Variants in POLE2 observed in about 807,000 individuals in gnomAD.
POLE2 encodes DNA polymerase epsilon 2, accessory subunit.
Under a neutral mutation model 79.4 loss-of-function variants are expected in POLE2, and 56 were observed. The ratio of observed to expected loss-of-function variants is 0.71; its 90% CI spans 0.57 to 0.88. The LOEUF (loss-of-function observed/expected upper bound fraction) is 0.88. POLE2 is among the 40% of genes least tolerant of loss of function. The pLI, the probability that POLE2 is intolerant of heterozygous loss-of-function variation, is 0.00. For synonymous variants in POLE2, 212 were observed against 214.0 expected (o/e 0.99, Z 0.08); for missense variants, 598 against 638.9 (o/e 0.94, Z 0.69).
chr14:49,678,361 G>A (rs1442437772), intron 3 of POLE2, among the ~76,000 whole-genome samples: 1 of 152,022 alleles, frequency 6.6e-6, no homozygotes, highest in African/African-American at 2.4e-5. Context: ...TTACTGAGTG[G>A]GGGTGGAATA....
At chr14:49,660,942 G>T (rs1272883680) in intron 10 of POLE2, among the ~76,000 whole-genome samples, 5 of 152,072 alleles carry the variant, frequency 3.3e-5, no homozygotes, top group African/African-American at 1.2e-4. Flanking sequence ...TTTTTTGGGG[G>T]GTAGGGGGAC....
chr14:49,647,217 C>CTGAT, intron 18 of POLE2, 76 bp downstream of exon 18: 1 of 782,044 alleles, frequency 1.3e-6, no homozygotes, highest in Non-Finnish European at 2.1e-6. Context: ...TCCCAACACA[C>CTGAT]TGATAGAACA....
chr14:49,659,690 G>C (rs539464289), intron 10 of POLE2, among the ~76,000 whole-genome samples: 1 of 152,206 alleles, frequency 6.6e-6, no homozygotes, highest in East Asian at 1.9e-4. Context: ...AAGCAATGCT[G>C]CCACTTCAGC....
At chr14:49,653,696 G>C (rs1884444159) in intron 15 of POLE2, among the ~76,000 whole-genome samples, 1 of 151,694 alleles carries the variant, frequency 6.6e-6, no homozygotes, top group African/African-American at 2.4e-5. Flanking sequence ...CAGGCTGCAG[G>C]CTGGAATGCA....
intron 5 of POLE2, among the ~76,000 whole-genome samples, chr14:49,672,994 T>C (rs1275468355): frequency 6.6e-6 from 1 of 152,230 alleles, no homozygotes. Flanking sequence ...TATCACCTTC[T>C]ACAACATTCT....
chr14:49,661,235 T>C (rs1259070588), intron 10 of POLE2, among the ~76,000 whole-genome samples: 6 of 152,002 alleles, frequency 3.9e-5, no homozygotes, highest in Admixed American at 3.3e-4. Context: ...TAAACTGATA[T>C]CTACTGCACA....
In POLE2 at chr14:49,654,085, G is replaced by A. The variant is rs1594567096; in HGVS notation, c.1134-18C>T. ...GTGGTGGCCTATAAAAACAATTTAT[G>A]TGATATAGTTTATCTTTTTAAGTTT... On this transcript the variant is annotated intron_variant, in intron 14 of 18. Transcript: ENST00000216367. 6.3e-7 allele frequency: 1 copy of A among 1,584,464 alleles called. No individual in the cohort carries two copies.
chr14:49,646,713 A>G (rs182825177), intron 18 of POLE2: 1 of 152,282 alleles, frequency 6.6e-6, no homozygotes, highest in East Asian at 1.9e-4. Flanking sequence ...ACAGGAAATA[A>G]TATTTAAAAT....
Position 49,651,952 on chromosome 14 carries a change from T to C in POLE2, c.1212-575A>G, listed in dbSNP as rs45472891. Reference sequence around the variant, plus strand: ...CCTTGAGGAACAGAAGGGAGGCTAGTGTGGCTGGAGTAAATGGGGAGGAGA... The same window carrying C: ...CCTTGAGGAACAGAAGGGAGGCTAGCGTGGCTGGAGTAAATGGGGAGGAGA... On this transcript the variant is annotated intron_variant, in intron 15 of 18. Coordinates refer to ENST00000216367, the MANE Select transcript of POLE2 (RefSeq NM_002692.4). 1.8e-3 allele frequency among the ~76,000 whole-genome samples: 280 copies of C among 151,980 alleles called. 1 individual carries two copies. The highest frequency in any genetic ancestry group is 3.2e-3 in the Non-Finnish European group (220 of 67,990).
intron 15 of POLE2, among the ~76,000 whole-genome samples, chr14:49,652,576 A>G (rs994485633): frequency 1.3e-5 from 2 of 152,178 alleles, no homozygotes; most frequent in Admixed American, 6.5e-5. Context: ...CAGCAGGGGC[A>G]TTAGATTCTC....
intron 1 of POLE2, among the ~76,000 whole-genome samples, chr14:49,685,721 C>A (rs1887080088): frequency 6.6e-6 from 1 of 151,954 alleles, no homozygotes; most frequent in Non-Finnish European, 1.5e-5. Context: ...CGGGTTCAAG[C>A]GATTCTCTTG....
intron 10 of POLE2, among the ~76,000 whole-genome samples, chr14:49,658,308 CCT>C (rs1358577992): frequency 1.3e-5 from 2 of 152,028 alleles, no homozygotes; most frequent in African/African-American, 2.4e-5. Flanking sequence ...GATCTCCTGA[CCT>C]CGTGATCCGC....
At chr14:49,669,621 T>C in intron 5 of POLE2, 23 bp from the exon 6 acceptor site, 1 of 1,221,936 alleles carries the variant, frequency 8.2e-7, no homozygotes, top group Non-Finnish European at 1.2e-6. Context: ...AAGATTCACA[T>C]GAATTCCTGA....
intron 9 of POLE2, among the ~76,000 whole-genome samples, chr14:49,664,100 A>G (rs1195746561): frequency 6.8e-6 from 1 of 146,548 alleles, no homozygotes. Context: ...TGTAATCCCA[A>G]CACTTTGGGA....
chr14:49,654,804 T>C lies in POLE2; in HGVS notation c.1053A>G (p.Glu351=), dbSNP rs149410998. The change falls in exon 13 of 19, where the codon GAA becomes GAG. Residue 351 remains glutamate (E), a synonymous_variant. Transcript: ENST00000216367. The part of the protein sequence containing the change: ...SLKTLADIIC[E]YPDIHQSSRF... ...ATTACCTTTGGTGAATATCTGGGTA[T>C]TCACATATTATATCTGCCAAAGTTT... is the stretch of plus-strand genomic sequence containing the variant. The C allele has an allele frequency of 1.4e-4, 202 of 1,488,452 alleles. No individual in the cohort carries two copies. In the African/African-American group the frequency reaches 2.2e-3, roughly 16 times the overall value. 92.2% of individuals were successfully genotyped at this position (1,488,452 alleles called of 1,614,324 possible).
At chr14:49,649,088 T>A (rs1883991709) in intron 17 of POLE2, among the ~76,000 whole-genome samples, 1 of 152,234 alleles carries the variant, frequency 6.6e-6, no homozygotes, top group South Asian at 2.1e-4. Flanking sequence ...TGTCATTGTT[T>A]ATGCAGTATT....
intron 18 of POLE2, among the ~76,000 whole-genome samples, chr14:49,644,434 C>T (rs1393760382): frequency 6.6e-6 from 1 of 150,528 alleles, no homozygotes; most frequent in African/African-American, 2.4e-5. Flanking sequence ...CTCTTGAACC[C>T]AGAAGGCGGA....
intron 10 of POLE2, among the ~76,000 whole-genome samples, chr14:49,662,020 CA>C (rs2139643236): frequency 6.6e-6 from 1 of 152,192 alleles, no homozygotes; most frequent in Non-Finnish European, 1.5e-5. Flanking sequence ...GAAGCTTGTA[CA>C]AAACAAAAAT....
intron 8 of POLE2, 143 bp downstream of exon 8, chr14:49,664,964 G>A (rs975666718): frequency 3.1e-6 from 2 of 648,562 alleles, no homozygotes; most frequent in African/African-American, 3.7e-5. Flanking sequence ...TCCCTGTTTA[G>A]GATTATATCT....
Sources: allele counts gnomAD v4.1 joint callset (sites outside exome capture counted in the v4.1 genomes callset), GRCh38; gene constraint gnomAD v4.1.1; transcripts MANE v1.5; gene names NCBI Gene and HGNC (gene_info 2026-07-23, HGNC 2026-07-21).